The following GIMAP7 variants were observed in gnomAD, a reference collection of about 807,000 sequenced individuals.
GIMAP7 encodes GTPase IMAP family member 7.
For missense variants in GIMAP7, 323 were observed against 359.7 expected, an observed-to-expected ratio of 0.90 and a Z score of 0.83; for synonymous variants, 137 against 129.3, an observed-to-expected ratio of 1.06 and a Z score of -0.40.
chr7:150,520,629 G>A lies in GIMAP7; in HGVS notation c.655G>A (p.Val219Ile), dbSNP rs1230329379. ...TEERLKQREE[V>I]LRKIYTDQLN... ...GGAAAGGCTGAAACAACGGGAAGAG[G>A]TTTTGAGGAAAATCTACACTGACCA... Residue 219 changes from valine to isoleucine, a missense_variant, in exon 2 of 2, where the codon GTT becomes ATT. By Grantham distance (29) the Val-to-Ile change is conservative (BLOSUM62 3). Coordinates refer to ENST00000313543, the MANE Select transcript of GIMAP7 (RefSeq NM_153236.4). 2 of 1,613,854 alleles carry A rather than the reference G, an allele frequency of 1.2e-6. No individual in the cohort carries two copies. Among genetic ancestry groups the A allele is most frequent in the African/African-American group, 1.3e-5 (1 of 74,804 alleles).
At position 150,516,415 on chromosome 7, in the gene GIMAP7, C is replaced by T. The variant is rs183684815; in HGVS notation, c.-42+1470C>T. 3.5e-3 allele frequency among the ~76,000 whole-genome samples: 540 copies of T among 152,230 alleles called. 4 individuals are homozygous for T. Among genetic ancestry groups the T allele is most frequent in the African/African-American group, 0.012 (516 of 41,540 alleles). On this transcript the variant is annotated intron_variant, in intron 1 of 1. Coordinates refer to ENST00000313543, the MANE Select transcript of GIMAP7 (RefSeq NM_153236.4). ...AACTCTATCACAGATTATTTTGAAG[C>T]AAATGTCAGACATTACATCATTTTA...
At chr7:150,516,676 T>A (rs1295625494) in intron 1 of GIMAP7, among the ~76,000 whole-genome samples, 1 of 152,234 alleles carries the variant, frequency 6.6e-6, no homozygotes, top group Non-Finnish European at 1.5e-5. Flanking sequence ...GTTTTCACCT[T>A]CCTTGTTTCT....
chr7:150,520,398 T>C lies in GIMAP7; in HGVS notation c.424T>C (p.Phe142Leu). The C allele has an allele frequency of 6.2e-7, 1 of 1,614,196 alleles. No individual in the cohort carries two copies. Among genetic ancestry groups the C allele is most frequent in the Non-Finnish European group, 8.5e-7 (1 of 1,180,030 alleles). ...TRKEELEGQS[F>L]HDFIADADVG... ...CAAAGAAGAGTTGGAGGGCCAGAGC[T>C]TCCATGACTTCATAGCAGATGCGGA... The change falls in exon 2 of 2, where the codon TTC becomes CTC. Residue 142 changes from phenylalanine to leucine, a missense_variant. Transcript: ENST00000313543.
chr7:150,516,360 A>G (rs886708970), intron 1 of GIMAP7, among the ~76,000 whole-genome samples: 1 of 152,248 alleles, frequency 6.6e-6, no homozygotes, highest in Non-Finnish European at 1.5e-5. Context: ...AATTTATGCC[A>G]GTCTTGTTCA....
At chr7:150,516,718 A>C (rs546072402) in intron 1 of GIMAP7, among the ~76,000 whole-genome samples, 5 of 152,308 alleles carry the variant, frequency 3.3e-5, no homozygotes, top group Non-Finnish European at 7.4e-5. Flanking sequence ...AAGGAAGGGA[A>C]GGTCTTTTGT....
In GIMAP7 at chr7:150,520,042, CA is replaced by C. The variant is rs1163321031; in HGVS notation, c.70del (p.Thr24GlnfsTer39). 3.1e-6 allele frequency: 5 copies of C among 1,614,120 alleles called. No individual in the cohort carries two copies. The highest frequency in any genetic ancestry group is 3.3e-5 in the Admixed American group (2 of 60,020). ...LVGKTGSGKS[A>X]TANTILGEEI... is the part of the protein sequence containing the mutation. ...GGGAAAACTGGAAGTGGGAAAAGTG[CA>C]ACAGCGAACACCATCCTTGGAGAGG... On this transcript the variant is annotated frameshift_variant, in exon 2 of 2. Coordinates refer to ENST00000313543, the MANE Select transcript of GIMAP7 (RefSeq NM_153236.4). LOFTEE classifies it low-confidence loss of function (END_TRUNC).
At chr7:150,515,123 T>G (rs1471172307) in intron 1 of GIMAP7, among the ~76,000 whole-genome samples, 178 bp downstream of exon 1, 1 of 152,162 alleles carries the variant, frequency 6.6e-6, no homozygotes, top group East Asian at 1.9e-4. Context: ...TTTGTTTGCA[T>G]GGAGCCCATG....
In GIMAP7 at chr7:150,520,432, T is replaced by C; in HGVS notation, c.458T>C (p.Leu153Pro). 6.2e-7 allele frequency: 1 copy of C among 1,614,192 alleles called. No individual in the cohort carries two copies. Among genetic ancestry groups the C allele is most frequent in the Non-Finnish European group, 8.5e-7 (1 of 1,180,038 alleles). The change falls in exon 2 of 2, where the codon CTA (leucine) becomes CCA (proline). Residue 153 changes from leucine to proline, a missense_variant. Transcript: ENST00000313543. Reference protein sequence around the residue: ...HDFIADADVGLKSIVKECGNR... With the variant: ...HDFIADADVGPKSIVKECGNR... ...TTCATAGCAGATGCGGATGTGGGCC[T>C]AAAAAGCATCGTCAAGGAGTGCGGG...
At position 150,520,308 on chromosome 7, in the gene GIMAP7, G is replaced by A. The variant is rs138568397; in HGVS notation, c.334G>A (p.Val112Ile). The A allele has an allele frequency of 3.7e-6, 6 of 1,614,096 alleles. No homozygotes were observed. Among genetic ancestry groups the A allele is most frequent in the South Asian group, 1.1e-5 (1 of 91,078 alleles). ...CTACACAGAGGAGGAGCAGAAAACC[G>A]TTGCATTGATCAAGGCTGTCTTTGG... Reference protein sequence around the residue: ...GRYTEEEQKTVALIKAVFGKS... With the variant: ...GRYTEEEQKTIALIKAVFGKS... Residue 112 changes from valine to isoleucine, a missense_variant, in exon 2 of 2, where the codon GTT (valine) becomes ATT (isoleucine). By Grantham distance (29) the Val-to-Ile change is conservative. Coordinates refer to ENST00000313543, the MANE Select transcript of GIMAP7 (RefSeq NM_153236.4).
rs184702845 is a variant in GIMAP7 at position 150,518,741 on chromosome 7, A to G, written c.-41-1193A>G. Among the ~76,000 whole-genome samples the G allele has an allele frequency of 3.9e-5, 6 of 152,166 alleles. No individual in the cohort carries two copies. In the East Asian group the frequency reaches 9.6e-4, roughly 24 times the overall value. The stretch of plus-strand genomic sequence containing the variant: ...CAGTCTTTTCCTTATACTATTTTAA[A>G]TCTTAGTTATTAACATCCTCCCCAC... On this transcript the variant is annotated intron_variant, in intron 1 of 1. Coordinates refer to ENST00000313543, the MANE Select transcript of GIMAP7 (RefSeq NM_153236.4).
At chr7:150,519,588 A>G (rs938978380) in intron 1 of GIMAP7, among the ~76,000 whole-genome samples, 1 of 152,142 alleles carries the variant, frequency 6.6e-6, no homozygotes, top group African/African-American at 2.4e-5. Flanking sequence ...AGCCTTTGGA[A>G]TCAATATACT....
At chr7:150,517,105 A>T (rs1795143310) in intron 1 of GIMAP7, among the ~76,000 whole-genome samples, 1 of 152,194 alleles carries the variant, frequency 6.6e-6, no homozygotes, top group Admixed American at 6.5e-5. Flanking sequence ...TAGTTAAAAG[A>T]TGAGATGTAT....
chr7:150,519,249 G>A (rs1157008655), intron 1 of GIMAP7, among the ~76,000 whole-genome samples: 1 of 152,070 alleles, frequency 6.6e-6, no homozygotes, highest in Non-Finnish European at 1.5e-5. Context: ...CAGAAAAAAA[G>A]ATGACAAAAT....
rs888852043 is a variant in GIMAP7, at chr7:150,518,510, C to T, written c.-41-1424C>T. On this transcript the variant is annotated intron_variant, in intron 1 of 1. Transcript: ENST00000313543. ...TAATTTATATATTTTTTTCTTTGGC[C>T]GTGGGTTCATATCTTGCCCGATTTT... 8.6e-5 allele frequency among the ~76,000 whole-genome samples: 13 copies of T among 151,484 alleles called. 1 individual carries two copies. The highest frequency in any genetic ancestry group is 7.9e-4 in the Admixed American group (12 of 15,246).
rs201058399 is a variant in GIMAP7, at chr7:150,520,371, C to T, written c.397C>T (p.Arg133Cys). The T allele has an allele frequency of 8.7e-6, 14 of 1,614,194 alleles. No individual in the cohort carries two copies. The highest frequency in any genetic ancestry group is 8.0e-5 in the African/African-American group (6 of 75,040). The change falls in exon 2 of 2, where the codon CGC becomes TGC. Residue 133 changes from arginine (R) to cysteine (C), a missense_variant. Physicochemically the swap from Arg to Cys is radical, Grantham distance 180 (BLOSUM62 -3). Transcript: ENST00000313543. ...AMKHMVILFT[R>C]KEELEGQSFH... ...GAAGCACATGGTCATCTTGTTCACT[C>T]GCAAAGAAGAGTTGGAGGGCCAGAG...
intron 1 of GIMAP7, among the ~76,000 whole-genome samples, chr7:150,516,118 C>T (rs903626218): frequency 3.9e-5 from 6 of 152,168 alleles, no homozygotes; most frequent in Non-Finnish European, 7.3e-5. Context: ...CACCAGCTTC[C>T]TCATTTAAAA....
chr7:150,515,443 C>G (rs1325644011), intron 1 of GIMAP7, among the ~76,000 whole-genome samples: 4 of 152,178 alleles, frequency 2.6e-5, no homozygotes, highest in Non-Finnish European at 5.9e-5. Flanking sequence ...AGCTGTGTCC[C>G]TAACAGTGTA....
chr7:150,517,695 G>A (rs1372085089), intron 1 of GIMAP7, among the ~76,000 whole-genome samples: 2 of 152,056 alleles, frequency 1.3e-5, no homozygotes. Context: ...ATACAGTTAG[G>A]TTTATTTGTT....
In GIMAP7 at chr7:150,520,208, C is replaced by T; in HGVS notation, c.234C>T (p.Cys78=). The change falls in exon 2 of 2, where the codon TGC becomes TGT. Residue 78 remains cysteine (C), a synonymous_variant. Coordinates refer to ENST00000313543, the MANE Select transcript of GIMAP7 (RefSeq NM_153236.4). ...FDTKESLDTT[C]KEISRCIISS... is the part of the protein sequence containing the mutation. ...CCAAGGAGAGCCTGGACACCACCTG[C>T]AAGGAAATCAGCCGCTGCATCATCT... The T allele has an allele frequency of 6.2e-7, 1 of 1,614,100 alleles. No individual in the cohort carries two copies. The highest frequency in any genetic ancestry group is 8.5e-7 in the Non-Finnish European group (1 of 1,179,994).
Sources: allele counts gnomAD v4.1 joint callset (sites outside exome capture counted in the v4.1 genomes callset), GRCh38; gene constraint gnomAD v4.1.1; transcripts MANE v1.5; gene names NCBI Gene and HGNC (gene_info 2026-07-23, HGNC 2026-07-21).